Variants in MACROD2 observed in about 807,000 individuals in gnomAD.
MACROD2 encodes ADP-ribose glycohydrolase MACROD2.
In MACROD2, 36 loss-of-function variants were observed where a neutral mutation model predicts 70.4. The ratio of observed to expected loss-of-function variants is 0.51; its 90% CI spans 0.39 to 0.68. The LOEUF (loss-of-function observed/expected upper bound fraction) is 0.68. Among genes scored for constraint, MACROD2 ranks in the 30% least tolerant of loss-of-function variants. The pLI is 0.00. For missense variants in MACROD2, 496 were observed against 538.4 expected (o/e 0.92, Z 0.78); for synonymous variants, 172 against 178.8 (o/e 0.96, Z 0.30).
chr20:15,223,893 G>A (rs1375529459), intron 5 of MACROD2, among the ~76,000 whole-genome samples: 2 of 152,148 alleles, frequency 1.3e-5, no homozygotes, highest in African/African-American at 4.8e-5. Context: ...GTGATGCTGT[G>A]TGACTCCCAA....
At chr20:15,442,217 G>T (rs761076889) in intron 7 of MACROD2, among the ~76,000 whole-genome samples, 13 of 152,156 alleles carry the variant, frequency 8.5e-5, no homozygotes, top group Non-Finnish European at 1.5e-4. Context: ...TTAGGACAAT[G>T]ACTTTTATGT....
intron 3 of MACROD2, among the ~76,000 whole-genome samples, chr20:14,211,616 C>A (rs910130022): frequency 6.6e-6 from 1 of 152,170 alleles, no homozygotes; most frequent in Non-Finnish European, 1.5e-5. Context: ...TACAGGCTCT[C>A]TGCTATCTGC....
chr20:15,471,823 C>T (rs1951938442), intron 7 of MACROD2, among the ~76,000 whole-genome samples: 1 of 151,948 alleles, frequency 6.6e-6, no homozygotes, highest in African/African-American at 2.4e-5. Context: ...ACCTCTTTCT[C>T]CAGATTGATG....
intron 4 of MACROD2, among the ~76,000 whole-genome samples, chr20:14,676,411 C>G (rs576044436): frequency 6.6e-6 from 1 of 152,198 alleles, no homozygotes; most frequent in Non-Finnish European, 1.5e-5. Flanking sequence ...GATTAAGAAA[C>G]TCACTCAAAA....
At chr20:14,521,496 C>T (rs1431043593) in intron 4 of MACROD2, among the ~76,000 whole-genome samples, 3 of 152,126 alleles carry the variant, frequency 2.0e-5, no homozygotes, top group African/African-American at 4.8e-5. Context: ...TTGTCTCCTA[C>T]GGAAGACTGT....
chr20:15,874,976 G>A (rs1032008638), intron 9 of MACROD2, among the ~76,000 whole-genome samples: 1 of 152,148 alleles, frequency 6.6e-6, no homozygotes, highest in Non-Finnish European at 1.5e-5. Flanking sequence ...AGAAGGAGCT[G>A]TGACTGTGGA....
chr20:14,979,353 C>T (rs2074776249), intron 5 of MACROD2, among the ~76,000 whole-genome samples: 1 of 151,998 alleles, frequency 6.6e-6, no homozygotes, highest in Admixed American at 6.5e-5. Flanking sequence ...AATAAATGTG[C>T]ATTTGGGCAA....
intron 4 of MACROD2, among the ~76,000 whole-genome samples, chr20:14,598,781 C>T (rs1423895817): frequency 6.6e-6 from 1 of 152,132 alleles, no homozygotes; most frequent in East Asian, 1.9e-4. Context: ...TCCTTTTGCC[C>T]TGCAATTTCA....
chr20:15,159,366 T>C (rs2076331623), intron 5 of MACROD2, among the ~76,000 whole-genome samples: 1 of 152,096 alleles, frequency 6.6e-6, no homozygotes, highest in Admixed American at 6.6e-5. Context: ...TATGACTCTC[T>C]GGAAATTTTG....
At chr20:14,118,675 C>T (rs1179491307) in intron 3 of MACROD2, among the ~76,000 whole-genome samples, 2 of 152,090 alleles carry the variant, frequency 1.3e-5, no homozygotes, top group Non-Finnish European at 2.9e-5. Context: ...TACCCTTCTT[C>T]CAAATTCTCT....
intron 5 of MACROD2, among the ~76,000 whole-genome samples, chr20:15,013,213 A>C (rs1328406296): frequency 6.6e-6 from 1 of 152,084 alleles, no homozygotes; most frequent in African/African-American, 2.4e-5. Context: ...CAAACGACTT[A>C]GCTCAACGAA....
In MACROD2 at chr20:14,851,693, A is replaced by T. The variant is rs909029460; in HGVS notation, c.418+166734A>T. Among the ~76,000 whole-genome samples, 234 of 152,212 alleles carry T rather than the reference A, an allele frequency of 1.5e-3. 7 individuals are homozygous for T. The highest frequency in any genetic ancestry group is 1.2e-4 in the Non-Finnish European group (8 of 68,028). On this transcript the variant is annotated intron_variant, in intron 5 of 17. Transcript: ENST00000684519. ...AAGATGTACACGGATCTAGGATAAAATGTGGCAAGTACTATCATGTAAGTA... is the reference window on the plus strand; with the variant it reads ...AAGATGTACACGGATCTAGGATAAATTGTGGCAAGTACTATCATGTAAGTA...
intron 5 of MACROD2, among the ~76,000 whole-genome samples, chr20:14,701,867 A>C (rs191775438): frequency 8.3e-4 from 126 of 152,242 alleles, no homozygotes; most frequent in African/African-American, 2.9e-3. Context: ...TAATCCTCAA[A>C]ACAACCCTCT....
chr20:14,822,001 G>A (rs764257411), intron 5 of MACROD2, among the ~76,000 whole-genome samples: 5 of 152,176 alleles, frequency 3.3e-5, no homozygotes, highest in East Asian at 1.9e-4. Context: ...GGATTCAAAT[G>A]TTTATTCAGA....
At chr20:14,173,864 C>T (rs1220075652) in intron 3 of MACROD2, among the ~76,000 whole-genome samples, 1 of 152,116 alleles carries the variant, frequency 6.6e-6, no homozygotes, top group African/African-American at 2.4e-5. Flanking sequence ...TCCTGAGAGC[C>T]AAACTGCAGT....
At chr20:14,136,880 C>T (rs1416228444) in intron 3 of MACROD2, among the ~76,000 whole-genome samples, 1 of 152,200 alleles carries the variant, frequency 6.6e-6, no homozygotes, top group African/African-American at 2.4e-5. Context: ...CAAATTCCAT[C>T]TGCCCCCAGA....
At chr20:15,393,648 C>T (rs1600344985) in intron 6 of MACROD2, among the ~76,000 whole-genome samples, 1 of 152,144 alleles carries the variant, frequency 6.6e-6, no homozygotes, top group East Asian at 1.9e-4. Context: ...GTTTAATGTA[C>T]TATCTTGGCC....
At chr20:14,259,543 A>G (rs892718262) in intron 3 of MACROD2, among the ~76,000 whole-genome samples, 3 of 152,162 alleles carry the variant, frequency 2.0e-5, no homozygotes, top group African/African-American at 4.8e-5. Flanking sequence ...ACTGGTAAAA[A>G]CAAAAAAACA....
intron 5 of MACROD2, among the ~76,000 whole-genome samples, chr20:15,098,995 G>T (rs2075853261): frequency 6.6e-6 from 1 of 152,216 alleles, no homozygotes. Context: ...CTATGAATTA[G>T]TTAATGGTTT....
Sources: gnomAD v4.1 joint callset for allele counts (sites outside exome capture counted in the v4.1 genomes callset) on GRCh38, gnomAD v4.1.1 for gene constraint, MANE v1.5 for transcripts, NCBI Gene and HGNC (gene_info 2026-07-23, HGNC 2026-07-21) for gene names.